The following TNN variants were observed in gnomAD, a reference collection of about 807,000 sequenced individuals.
The protein encoded by TNN is tenascin N, also known as tenascin-N.
A neutral mutation model predicts 134.4 loss-of-function variants in TNN; 122 were observed. The ratio of observed to expected loss-of-function variants is 0.91; its 90% CI spans 0.78 to 1.06. The LOEUF is 1.06. Among genes scored for constraint, TNN ranks in the 50% least tolerant of loss-of-function variants. The probability of loss-of-function intolerance (pLI) is 0.00; values close to 1 mark genes in which losing one functional copy is unlikely to be tolerated. For missense variants in TNN, 1,739 were observed against 1,699.4 expected (o/e 1.02, Z -0.41); for synonymous variants, 710 against 670.3 (o/e 1.06, Z -0.91).
At chr1:175,094,293 C>A in intron 7 of TNN, 40 bp downstream of exon 7, 2 of 1,482,688 alleles carry the variant, frequency 1.3e-6, no homozygotes, top group South Asian at 1.4e-5. Flanking sequence ...TTCCTCATGG[C>A]AGGGAGAAGG....
chr1:175,077,930 T>C, intron 2 of TNN, 103 bp downstream of exon 2: 1 of 1,197,316 alleles, frequency 8.4e-7, no homozygotes, highest in Non-Finnish European at 1.2e-6. Flanking sequence ...TCTGGTGTGC[T>C]CCTACTTCTC....
At chr1:175,130,674 C>A (rs1250278797) in intron 15 of TNN, among the ~76,000 whole-genome samples, 1 of 152,174 alleles carries the variant, frequency 6.6e-6, no homozygotes, top group African/African-American at 2.4e-5. Flanking sequence ...CTGGAATAGT[C>A]ATGACTTATT....
chr1:175,137,125 T>A, intron 17 of TNN, 137 bp downstream of exon 17: 1 of 922,956 alleles, frequency 1.1e-6, no homozygotes. Flanking sequence ...GTGGAGGTCC[T>A]ACTCTCTGCA....
At chr1:175,125,821 CCTTTCTTTCTTTCTTTTTTCTTTTT>C (rs1243857003) in intron 12 of TNN, among the ~76,000 whole-genome samples, 56 of 95,250 alleles carry the variant, frequency 5.9e-4, no homozygotes, top group African/African-American at 9.3e-4. Context: ...CTCCCTCCCT[CCTTTCTTTCTTTCTTTTTTCTTTTT>C]CTTTCTTTCT....
At chr1:175,112,654 G>A (rs1234186840) in intron 9 of TNN, among the ~76,000 whole-genome samples, 1 of 96,546 alleles carries the variant, frequency 1.0e-5, no homozygotes, top group Non-Finnish European at 1.9e-5. Flanking sequence ...GCCTCACTCT[G>A]TTGTCCAGGC....
chr1:175,101,349 G>A (rs1226575558), intron 9 of TNN, among the ~76,000 whole-genome samples: 1 of 151,468 alleles, frequency 6.6e-6, no homozygotes, highest in African/African-American at 2.4e-5. Flanking sequence ...TGGTCTCGCT[G>A]GGCTCAGGAG....
intron 1 of TNN, among the ~76,000 whole-genome samples, chr1:175,075,508 C>G (rs897744099): frequency 2.6e-5 from 4 of 152,188 alleles, no homozygotes; most frequent in Non-Finnish European, 5.9e-5. Flanking sequence ...GTTGGCCAGA[C>G]TGGTCTCGAA....
chr1:175,119,725 C>T (rs1003606239), intron 11 of TNN, among the ~76,000 whole-genome samples: 2 of 151,182 alleles, frequency 1.3e-5, no homozygotes, highest in Non-Finnish European at 2.9e-5. Flanking sequence ...AGCTCCGCCT[C>T]CCGGGTTCAT....
intron 6 of TNN, among the ~76,000 whole-genome samples, chr1:175,088,735 A>C (rs1674374683): frequency 6.6e-6 from 1 of 152,196 alleles, no homozygotes; most frequent in Admixed American, 6.5e-5. Context: ...AATTCAACAA[A>C]CATTTATTGC....
chr1:175,072,003 T>C (rs563041291), intron 1 of TNN, among the ~76,000 whole-genome samples: 8 of 152,286 alleles, frequency 5.3e-5, no homozygotes, highest in African/African-American at 1.7e-4. Flanking sequence ...CAAGGATACC[T>C]GGGCTAGAAA....
rs570518076 is a variant in TNN, at chr1:175,087,167, C to T, written c.1324+1673C>T. Among the ~76,000 whole-genome samples, 100 of 152,228 alleles carry T rather than the reference C, an allele frequency of 6.6e-4. 2 individuals are homozygous for T. The South Asian group carries it at 0.01, about 15-fold the overall frequency. ...TTATTTTTCCAAGGTTAAGGACATG[C>T]CTGGGAGAAAGAAACATGGAATCAC... On this transcript the variant is annotated intron_variant, in intron 6 of 18. Coordinates refer to ENST00000239462, the MANE Select transcript of TNN (RefSeq NM_022093.2).
At chr1:175,127,966 A>T in intron 13 of TNN, 66 bp from the exon 14 acceptor site, 3 of 1,586,220 alleles carry the variant, frequency 1.9e-6, no homozygotes, top group African/African-American at 1.3e-5. Flanking sequence ...AACGCTGTTG[A>T]CACCTAGGGT....
At chr1:175,085,585 G>A (rs1323614650) in intron 6 of TNN, 91 bp downstream of exon 6, 4 of 946,500 alleles carry the variant, frequency 4.2e-6, no homozygotes, top group Admixed American at 2.0e-5. Flanking sequence ...AAGAATTCTG[G>A]GATTTGCAGA....
chr1:175,143,518 GGTGTGT>G (rs149081442), intron 17 of TNN, among the ~76,000 whole-genome samples: 1 of 148,748 alleles, frequency 6.7e-6, no homozygotes, highest in East Asian at 2.1e-4. Flanking sequence ...TTTGTGTGTA[GGTGTGT>G]GTGTGTGTGT....
intron 15 of TNN, among the ~76,000 whole-genome samples, chr1:175,135,440 C>T (rs958391880): frequency 6.6e-6 from 1 of 152,040 alleles, no homozygotes; most frequent in African/African-American, 2.4e-5. Context: ...CAAACTATTT[C>T]AGAAAAGGGG....
intron 11 of TNN, 38 bp downstream of exon 11, chr1:175,118,862 G>A (rs762880248): frequency 1.2e-6 from 2 of 1,610,086 alleles, no homozygotes; most frequent in South Asian, 1.1e-5. Context: ...CCGGGTAGTA[G>A]CTGCAGGTTG....
chr1:175,126,741 A>C (rs1050551913), intron 12 of TNN, among the ~76,000 whole-genome samples: 1 of 152,130 alleles, frequency 6.6e-6, no homozygotes, highest in Non-Finnish European at 1.5e-5. Context: ...GACCCACCCA[A>C]CGCCCTGTTC....
intron 9 of TNN, among the ~76,000 whole-genome samples, chr1:175,101,204 C>T (rs888313157): frequency 2.5e-4 from 38 of 151,814 alleles, no homozygotes; most frequent in African/African-American, 8.2e-4. Flanking sequence ...CAGATGTGTT[C>T]GGAGTTTCTT....
At chr1:175,089,306 C>T (rs913061885) in intron 6 of TNN, among the ~76,000 whole-genome samples, 4 of 152,180 alleles carry the variant, frequency 2.6e-5, no homozygotes, top group Admixed American at 1.3e-4. Flanking sequence ...TTTCATGTAA[C>T]GAGGCACCCA....
Sources: allele counts gnomAD v4.1 joint callset (sites outside exome capture counted in the v4.1 genomes callset), GRCh38; gene constraint gnomAD v4.1.1; transcripts MANE v1.5; gene names NCBI Gene and HGNC (gene_info 2026-07-23, HGNC 2026-07-21).